SOCS5: variants seen among roughly 807,000 people sequenced by gnomAD.
SOCS5 encodes suppressor of cytokine signaling 5.
A neutral mutation model predicts 42.8 loss-of-function variants in SOCS5; 32 were observed. The ratio of observed to expected loss-of-function variants is 0.75; its 90% CI spans 0.56 to 1.01. SOCS5 has a LOEUF of 1.01. Among genes scored for constraint, SOCS5 ranks in the 50% least tolerant of loss-of-function variants. SOCS5 has a pLI of 0.00. For synonymous variants in SOCS5, 283 were observed against 229.6 expected (o/e 1.23, Z -2.10); for missense variants, 627 against 653.0 (o/e 0.96, Z 0.43).
In SOCS5 at chr2:46,758,684, C is replaced by A; in HGVS notation, c.154C>A (p.Pro52Thr). ...AAACATCAGCATAGGAGACTCAACTCCTCAGCAACAAAGCAGTCCCTTAAG... is the reference window on the plus strand; with the variant it reads ...AAACATCAGCATAGGAGACTCAACTACTCAGCAACAAAGCAGTCCCTTAAG... ...EKNISIGDST[P>T]QQQSSPLREN... Residue 52 changes from proline (P) to threonine (T), a missense_variant, in exon 2 of 2, where the codon CCT becomes ACT. By Grantham distance (38) the Pro-to-Thr change is conservative. This residue lies in a region of SOCS5 where 278 missense variants were observed against 246.3 expected (regional missense o/e 1.13). Transcript: ENST00000394861. The A allele has an allele frequency of 6.2e-7, 1 of 1,614,140 alleles. No individual in the cohort carries two copies. The highest frequency in any genetic ancestry group is 8.5e-7 in the Non-Finnish European group (1 of 1,179,998).
chr2:46,740,852 C>G (rs1388012855), intron 1 of SOCS5, among the ~76,000 whole-genome samples: 1 of 152,138 alleles, frequency 6.6e-6, no homozygotes, highest in African/African-American at 2.4e-5. Flanking sequence ...GGACTTCTGA[C>G]CTGTTTTCCT....
At chr2:46,756,871 G>A (rs761971123) in intron 1 of SOCS5, among the ~76,000 whole-genome samples, 1 of 152,124 alleles carries the variant, frequency 6.6e-6, no homozygotes, top group Non-Finnish European at 1.5e-5. Context: ...AAGTTCAAAT[G>A]GCGTAAACCT....
rs527398384 is a variant in SOCS5 at position 46,713,772 on chromosome 2, A to G, written c.-13+14323A>G. Among the ~76,000 whole-genome samples the G allele has an allele frequency of 3.4e-3, 520 of 152,266 alleles. 2 individuals are homozygous for G. Among genetic ancestry groups the G allele is most frequent in the Non-Finnish European group, 5.6e-3 (383 of 68,014 alleles). On this transcript the variant is annotated intron_variant, in intron 1 of 1. Transcript: ENST00000394861. Reference sequence around the variant, plus strand: ...TGATTTTCGAAACTCCTTTTAAAAAACAATTATTAACATTTAAAGCTATAA... The same window carrying G: ...TGATTTTCGAAACTCCTTTTAAAAAGCAATTATTAACATTTAAAGCTATAA...
At chr2:46,753,102 C>T (rs1408642967) in intron 1 of SOCS5, among the ~76,000 whole-genome samples, 1 of 152,232 alleles carries the variant, frequency 6.6e-6, no homozygotes, top group African/African-American at 2.4e-5. Flanking sequence ...CTTCCCTTCA[C>T]TCACTGGGTT....
At chr2:46,712,346 T>TC (rs1316591149) in intron 1 of SOCS5, among the ~76,000 whole-genome samples, 1 of 138,510 alleles carries the variant, frequency 7.2e-6, no homozygotes, top group Non-Finnish European at 1.6e-5. Context: ...CTTTTTTTTT[T>TC]TTTTTTTTTT....
chr2:46,703,155 G>T (rs1346209900), intron 1 of SOCS5, among the ~76,000 whole-genome samples: 1 of 152,084 alleles, frequency 6.6e-6, no homozygotes, highest in African/African-American at 2.4e-5. Context: ...TATTTTACAG[G>T]TGAGGGATTA....
chr2:46,713,579 A>G (rs1170025320), intron 1 of SOCS5, among the ~76,000 whole-genome samples: 4 of 151,950 alleles, frequency 2.6e-5, no homozygotes, highest in African/African-American at 9.7e-5. Flanking sequence ...TGAGAAAGGA[A>G]TATCAATTTC....
rs115576598 is a variant in SOCS5 at position 46,756,927 on chromosome 2, C to T, written c.-12-1592C>T. On this transcript the variant is annotated intron_variant, in intron 1 of 1. Transcript: ENST00000394861. Reference sequence around the variant, plus strand: ...GAGATTTTTGCAAGACAGAGGAGGCCGTGTTCTAAAATAGACTTTACTGAG... The same window carrying T: ...GAGATTTTTGCAAGACAGAGGAGGCTGTGTTCTAAAATAGACTTTACTGAG... 5.8e-3 allele frequency among the ~76,000 whole-genome samples: 883 copies of T among 152,206 alleles called. 11 individuals carry two copies. Among genetic ancestry groups the T allele is most frequent in the African/African-American group, 0.02 (844 of 41,540 alleles).
At chr2:46,744,737 A>T (rs959526542) in intron 1 of SOCS5, among the ~76,000 whole-genome samples, 46 of 151,980 alleles carry the variant, frequency 3.0e-4, no homozygotes, top group African/African-American at 1.1e-3. Flanking sequence ...CATGTTAGCC[A>T]GGCTGGTTTC....
intron 1 of SOCS5, among the ~76,000 whole-genome samples, chr2:46,716,809 G>A (rs192294290): frequency 2.2e-4 from 34 of 152,232 alleles, no homozygotes; most frequent in Admixed American, 1.8e-3. Context: ...TTCAAGTTTT[G>A]TTTTCAGGGT....
At chr2:46,752,168 CTT>C (rs573235689) in intron 1 of SOCS5, among the ~76,000 whole-genome samples, 7 of 140,190 alleles carry the variant, frequency 5.0e-5, no homozygotes, top group African/African-American at 5.2e-5. Flanking sequence ...GTGTTTTGTT[CTT>C]TTTTTTTTTT....
intron 1 of SOCS5, among the ~76,000 whole-genome samples, chr2:46,756,873 C>T (rs767728680): frequency 6.6e-5 from 10 of 152,100 alleles, no homozygotes; most frequent in East Asian, 1.9e-4. Context: ...GTTCAAATGG[C>T]GTAAACCTCA....
chr2:46,727,230 G>A (rs1423063740), intron 1 of SOCS5, among the ~76,000 whole-genome samples: 1 of 138,748 alleles, frequency 7.2e-6, no homozygotes, highest in Non-Finnish European at 1.5e-5. Flanking sequence ...CTCACTGCAA[G>A]CTCCGCCTCC....
At chr2:46,718,948 A>T (rs183449349) in intron 1 of SOCS5, among the ~76,000 whole-genome samples, 1 of 152,346 alleles carries the variant, frequency 6.6e-6, no homozygotes, top group African/African-American at 2.4e-5. Context: ...GGAATTTATT[A>T]TAAGGAAATA....
intron 1 of SOCS5, among the ~76,000 whole-genome samples, chr2:46,741,048 C>T (rs1223916431): frequency 1.3e-5 from 2 of 152,098 alleles, no homozygotes; most frequent in South Asian, 2.1e-4. Context: ...CCTGTATTTG[C>T]GATTCCTTTC....
At chr2:46,757,624 T>C (rs538153818) in intron 1 of SOCS5, among the ~76,000 whole-genome samples, 27 of 152,116 alleles carry the variant, frequency 1.8e-4, no homozygotes, top group Non-Finnish European at 2.9e-4. Flanking sequence ...CCCAGCACTT[T>C]GGGAGGCCGA....
chr2:46,704,180 A>G (rs559609489), intron 1 of SOCS5, among the ~76,000 whole-genome samples: 10 of 152,214 alleles, frequency 6.6e-5, no homozygotes, highest in African/African-American at 2.2e-4. Context: ...TAATTTTTTT[A>G]AAATTGTATT....
At chr2:46,715,207 A>C (rs562996477) in intron 1 of SOCS5, among the ~76,000 whole-genome samples, 43 of 151,996 alleles carry the variant, frequency 2.8e-4, no homozygotes, top group Non-Finnish European at 4.9e-4. Flanking sequence ...AGTATCTATA[A>C]AAAAATAACA....
intron 1 of SOCS5, among the ~76,000 whole-genome samples, chr2:46,714,304 A>G (rs898258592): frequency 1.2e-4 from 18 of 152,208 alleles, no homozygotes; most frequent in African/African-American, 4.3e-4. Flanking sequence ...TTTGTTTCCT[A>G]TTTCAAGCAT....
Sources: gnomAD v4.1 joint callset for allele counts (sites outside exome capture counted in the v4.1 genomes callset) on GRCh38, gnomAD v4.1.1 for gene constraint, gnomAD v4.1.1 regional missense constraint, MANE v1.5 for transcripts, NCBI Gene and HGNC (gene_info 2026-07-23, HGNC 2026-07-21) for gene names.